Variants in PCDH15 observed in about 807,000 individuals in gnomAD.
The protein encoded by PCDH15 is protocadherin-15.
A neutral mutation model predicts 178.5 loss-of-function variants in PCDH15; 129 were observed. The observed-to-expected ratio is 0.72, with a 90% CI of 0.63 to 0.84. PCDH15 has a LOEUF of 0.84. Among genes scored for constraint, PCDH15 ranks in the 40% least tolerant of loss-of-function variants. PCDH15 has a pLI of 0.00. For synonymous variants in PCDH15, 800 were observed against 732.0 expected, an observed-to-expected ratio of 1.09 and a Z score of -1.50; for missense variants, 2,230 against 2,099.9, an observed-to-expected ratio of 1.06 and a Z score of -1.21.
At chr10:54,873,968 A>G (rs1210035549) in intron 3 of PCDH15, among the ~76,000 whole-genome samples, 1 of 149,256 alleles carries the variant, frequency 6.7e-6, no homozygotes, top group Non-Finnish European at 1.5e-5. Context: ...TTATTTATTT[A>G]TTTATTTATT....
At chr10:54,347,604 T>C (rs910635233) in intron 5 of PCDH15, among the ~76,000 whole-genome samples, 1 of 152,014 alleles carries the variant, frequency 6.6e-6, no homozygotes, top group African/African-American at 2.4e-5. Flanking sequence ...AAACTGAAAA[T>C]TCACATTTTA....
chr10:54,211,425 CT>C (rs2051412294), intron 10 of PCDH15, among the ~76,000 whole-genome samples: 1 of 152,070 alleles, frequency 6.6e-6, no homozygotes, highest in Admixed American at 6.6e-5. Flanking sequence ...ACTTTTTCAA[CT>C]GCATGTTTTA....
At chr10:54,085,981 A>C (rs2094508866) in intron 16 of PCDH15, among the ~76,000 whole-genome samples, 1 of 152,194 alleles carries the variant, frequency 6.6e-6, no homozygotes, top group Admixed American at 6.5e-5. Context: ...ATAAAATATA[A>C]CCCAAATAGC....
chr10:53,935,582 T>C (rs2085499964), intron 25 of PCDH15, among the ~76,000 whole-genome samples: 1 of 152,174 alleles, frequency 6.6e-6, no homozygotes, highest in Non-Finnish European at 1.5e-5. Flanking sequence ...GCCAAACCCT[T>C]TGGTTTACGT....
chr10:54,410,390 A>G (rs1280821050), intron 3 of PCDH15, among the ~76,000 whole-genome samples: 1 of 152,264 alleles, frequency 6.6e-6, no homozygotes, highest in Non-Finnish European at 1.5e-5. Flanking sequence ...GAATTCAGCC[A>G]TGGCTTTTAA....
chr10:54,091,459 G>C (rs985159522), intron 15 of PCDH15, among the ~76,000 whole-genome samples: 2 of 152,126 alleles, frequency 1.3e-5, no homozygotes, highest in African/African-American at 4.8e-5. Context: ...GGAACGTATT[G>C]TTCTTAGTGG....
At position 54,198,495 on chromosome 10, in the gene PCDH15, CTTTTTTTTTTTTT is replaced by C. The variant is rs1186240206; in HGVS notation, c.1099-2619_1099-2607del. ...CATCTTTCTTTAATATCTAATTATT[CTTTTTTTTTTTTT>C]TTTTTTTTTTTGAGACAAAGTCTCG... On this transcript the variant is annotated intron_variant, in intron 10 of 37. Transcript: ENST00000644397. Among the ~76,000 whole-genome samples the C allele has an allele frequency of 9.6e-5, 3 of 31,174 alleles. 1 individual carries two copies. The South Asian group carries it at 7.4e-3, about 77-fold the overall frequency. The allele number at this position is 31,174 out of a possible 152,430, so 20.5% of individuals were successfully genotyped here. A position where few individuals can be genotyped will look rare whatever the true frequency, so the allele number is the denominator to read the frequency against.
intron 3 of PCDH15, among the ~76,000 whole-genome samples, chr10:54,390,000 G>A (rs1166194886): frequency 6.6e-6 from 1 of 152,058 alleles, no homozygotes; most frequent in African/African-American, 2.4e-5. Context: ...TGAAATTTGA[G>A]AACCTTGTTT....
intron 1 of PCDH15, among the ~76,000 whole-genome samples, chr10:55,289,701 T>C (rs893635484): frequency 1.3e-5 from 2 of 152,076 alleles, no homozygotes; most frequent in African/African-American, 4.8e-5. Flanking sequence ...TAAATATCTA[T>C]TGCTATGGTT....
chr10:55,098,828 CT>C (rs1171884299), intron 2 of PCDH15, among the ~76,000 whole-genome samples: 1 of 151,136 alleles, frequency 6.6e-6, no homozygotes, highest in East Asian at 1.9e-4. Context: ...CTTTCTCTCT[CT>C]CTCTTTGAAA....
At chr10:54,853,289 G>GTATATATA (rs71014423) in intron 3 of PCDH15, among the ~76,000 whole-genome samples, 2,913 of 102,156 alleles carry the variant, frequency 0.029, 46 homozygotes, top group Middle Eastern at 0.045. Flanking sequence ...ATGTATGTGT[G>GTATATATA]TATATATATA....
At chr10:55,448,630 C>T (rs528974794) in intron 2 of PCDH15, among the ~76,000 whole-genome samples, 10 of 152,032 alleles carry the variant, frequency 6.6e-5, no homozygotes, top group Admixed American at 2.6e-4. Context: ...TGATTAACTA[C>T]GGAAATGTAT....
intron 13 of PCDH15, among the ~76,000 whole-genome samples, chr10:54,158,681 C>T (rs918887822): frequency 6.7e-6 from 1 of 149,490 alleles, no homozygotes; most frequent in Non-Finnish European, 1.5e-5. Context: ...ATAAGCTGAA[C>T]AAAAACATTC....
At chr10:55,583,846 T>C (rs1225857369) in intron 2 of PCDH15, among the ~76,000 whole-genome samples, 4 of 152,078 alleles carry the variant, frequency 2.6e-5, no homozygotes, top group African/African-American at 9.6e-5. Flanking sequence ...TTTTAATAAA[T>C]ATATTTTGAA....
intron 20 of PCDH15, among the ~76,000 whole-genome samples, chr10:54,005,420 G>A (rs1308104576): frequency 1.3e-5 from 2 of 152,030 alleles, no homozygotes; most frequent in Non-Finnish European, 2.9e-5. Flanking sequence ...ATCTGACAAG[G>A]AATTAAACAG....
chr10:54,283,073 T>C (rs2058802631), intron 8 of PCDH15, among the ~76,000 whole-genome samples: 2 of 152,090 alleles, frequency 1.3e-5, no homozygotes, highest in South Asian at 4.1e-4. Flanking sequence ...TGTGCAGACT[T>C]CCCAAGATCT....
At chr10:55,030,902 C>T (rs1373104546) in intron 2 of PCDH15, among the ~76,000 whole-genome samples, 3 of 151,560 alleles carry the variant, frequency 2.0e-5, no homozygotes, top group African/African-American at 7.3e-5. Context: ...TTTAAACTTC[C>T]AAAATAATGC....
chr10:55,433,799 T>G (rs1318842798), intron 2 of PCDH15, among the ~76,000 whole-genome samples: 1 of 152,096 alleles, frequency 6.6e-6, no homozygotes, highest in African/African-American at 2.4e-5. Flanking sequence ...TTGGGATGTA[T>G]CTTCGTGCCT....
At chr10:54,748,990 G>C (rs1289290010) in intron 1 of PCDH15, among the ~76,000 whole-genome samples, 1 of 152,074 alleles carries the variant, frequency 6.6e-6, no homozygotes, top group Non-Finnish European at 1.5e-5. Flanking sequence ...TACCTTAAGG[G>C]AACTATATTC....
Sources: gnomAD v4.1 joint callset for allele counts (sites outside exome capture counted in the v4.1 genomes callset) on GRCh38, gnomAD v4.1.1 for gene constraint, MANE v1.5 for transcripts, NCBI Gene and HGNC (gene_info 2026-07-23, HGNC 2026-07-21) for gene names.